Variants in ZNF618 observed in about 807,000 individuals in gnomAD.
ZNF618 encodes the protein zinc finger protein 618.
Under a neutral mutation model 103.0 loss-of-function variants are expected in ZNF618, and 34 were observed. The observed-to-expected ratio is 0.33, with a 90% CI of 0.25 to 0.44. The LOEUF (loss-of-function observed/expected upper bound fraction) is 0.44. ZNF618 is among the 20% of genes least tolerant of loss of function. ZNF618 has a pLI of 1.00. For missense variants in ZNF618, 1,059 were observed against 1,295.4 expected (o/e 0.82, Z 2.80); for synonymous variants, 551 against 542.2 (o/e 1.02, Z -0.23).
intron 1 of ZNF618, among the ~76,000 whole-genome samples, chr9:113,966,774 A>G (rs890742757): frequency 1.3e-5 from 2 of 152,170 alleles, no homozygotes; most frequent in African/African-American, 4.8e-5. Context: ...TGAACATCCC[A>G]CACCCTGCCC....
At position 113,876,352 on chromosome 9, in the gene ZNF618, G is replaced by A; in HGVS notation, c.-29G>A. 1.7e-6 allele frequency: 2 copies of A among 1,184,376 alleles called. No individual in the cohort carries two copies. Among genetic ancestry groups the A allele is most frequent in the South Asian group, 4.2e-5 (1 of 24,054 alleles). The allele number at this position is 1,184,376 out of a possible 1,614,324, so 73.4% of individuals were successfully genotyped here. On this transcript the variant is annotated 5_prime_UTR_variant, in exon 1 of 15. Transcript: ENST00000374126. ...GCCCGGCCCGGGAGGAGCAGGACGC[G>A]CCGGGGCCGCCTCCTCCCGCACGGA...
intron 1 of ZNF618, among the ~76,000 whole-genome samples, chr9:113,930,935 C>T (rs1032353244): frequency 2.0e-5 from 3 of 152,158 alleles, no homozygotes; most frequent in African/African-American, 7.2e-5. Flanking sequence ...CAATAAGCAC[C>T]TGACAATATT....
Position 114,049,889 on chromosome 9 carries a change from G to A in ZNF618, c.2587G>A (p.Ala863Thr), listed in dbSNP as rs761445450. The A allele has an allele frequency of 6.2e-7, 1 of 1,613,914 alleles. No homozygotes were observed. Among genetic ancestry groups the A allele is most frequent in the Non-Finnish European group, 8.5e-7 (1 of 1,179,904 alleles). Residue 863 changes from alanine (A) to threonine (T), a missense_variant, in exon 15 of 15, where the codon GCT becomes ACT. Physicochemically the swap from Ala to Thr is moderately conservative, Grantham distance 58. Around this residue, in one of 6 missense-constraint regions of ZNF618, gnomAD observed 156 missense variants for 197.1 expected, o/e 0.79. Coordinates refer to ENST00000374126, the MANE Select transcript of ZNF618 (RefSeq NM_001318042.2). ...CTCTGCTGCCGTCGAGAACCCCGCA[G>A]CTCAGGAAGATGATCGGCTAGGCAA... The part of the protein sequence containing the change: ...PRSAAVENPA[A>T]QEDDRLGKNE...
chr9:113,972,767 G>A (rs760060212), intron 2 of ZNF618, among the ~76,000 whole-genome samples: 1 of 152,146 alleles, frequency 6.6e-6, no homozygotes, highest in African/African-American at 2.4e-5. Flanking sequence ...TATGTTAAAC[G>A]TCAAGAGAAT....
chr9:113,944,505 C>CT (rs923905857), intron 1 of ZNF618, among the ~76,000 whole-genome samples: 121 of 152,300 alleles, frequency 7.9e-4, no homozygotes, highest in African/African-American at 2.7e-3. Context: ...TCTTGAACTC[C>CT]TGGCCTCTAG....
chr9:113,939,281 TTTG>T (rs1341158361), intron 1 of ZNF618, among the ~76,000 whole-genome samples: 4 of 151,770 alleles, frequency 2.6e-5, no homozygotes, highest in South Asian at 2.1e-4. Context: ...GGTTTTTTTG[TTTG>T]TTGTTTGTTT....
chr9:113,939,789 C>T (rs1834387295), intron 1 of ZNF618, among the ~76,000 whole-genome samples: 1 of 152,000 alleles, frequency 6.6e-6, no homozygotes, highest in Non-Finnish European at 1.5e-5. Flanking sequence ...TCCTTCCCTC[C>T]CTCTGATTCC....
In ZNF618 at chr9:114,049,443, T is replaced by C; in HGVS notation, c.2141T>C (p.Phe714Ser). 1 of 1,607,324 alleles carries C rather than the reference T, an allele frequency of 6.2e-7. No individual in the cohort carries two copies. The highest frequency in any genetic ancestry group is 8.5e-7 in the Non-Finnish European group (1 of 1,176,870). The change falls in exon 15 of 15, where the codon TTC becomes TCC. Residue 714 changes from phenylalanine to serine, a missense_variant. By Grantham distance (155) the Phe-to-Ser change is radical. Around this residue, in one of 6 missense-constraint regions of ZNF618, gnomAD observed 272 missense variants for 380.1 expected, o/e 0.72. Coordinates refer to ENST00000374126, the MANE Select transcript of ZNF618 (RefSeq NM_001318042.2). ...VHERYEQICE[F>S]YSRAKKMNLI... ...GAGCGCTATGAGCAGATCTGCGAGT[T>C]CTACAGCCGGGCCAAGAAGATGAAC...
In ZNF618 at chr9:113,901,151, G is replaced by T. The variant is rs192886432; in HGVS notation, c.33+24738G>T. On this transcript the variant is annotated intron_variant, in intron 1 of 14. Coordinates refer to ENST00000374126, the MANE Select transcript of ZNF618 (RefSeq NM_001318042.2). ...TAGCACCGTCTTCTCCCGCGAACCC[G>T]AGCTCCTGTCTCCTAGCACTGTCCT... 4.7e-4 allele frequency among the ~76,000 whole-genome samples: 71 copies of T among 152,156 alleles called. No individual in the cohort carries two copies. The East Asian group carries it at 0.013, about 27-fold the overall frequency.
At chr9:113,890,389 C>T (rs1829510359) in intron 1 of ZNF618, among the ~76,000 whole-genome samples, 1 of 152,090 alleles carries the variant, frequency 6.6e-6, no homozygotes, top group African/African-American at 2.4e-5. Flanking sequence ...TGTTCTGAGG[C>T]CTGATGTCTT....
chr9:113,967,093 G>T (rs1837479869), intron 1 of ZNF618, among the ~76,000 whole-genome samples: 1 of 152,184 alleles, frequency 6.6e-6, no homozygotes, highest in East Asian at 1.9e-4. Flanking sequence ...GGACAAAAAT[G>T]ACAACTTTAA....
In ZNF618 at chr9:114,049,510, G is replaced by A. The variant is rs370970208; in HGVS notation, c.2208G>A (p.Ala736=). 47 of 1,613,474 alleles carry A rather than the reference G, an allele frequency of 2.9e-5. No homozygotes were observed. The highest frequency in any genetic ancestry group is 1.2e-4 in the African/African-American group (9 of 74,948). ...SLNKHLLSNL[A]AILTPVKQAV... ...ACAAGCACCTGCTCAGCAACCTGGC[G>A]GCCATCCTGACGCCGGTGAAGCAGG... The change falls in exon 15 of 15, where the codon GCG becomes GCA. Residue 736 remains alanine, a synonymous_variant. Transcript: ENST00000374126.
chr9:114,041,020 A>G (rs1845127268), intron 13 of ZNF618, among the ~76,000 whole-genome samples: 1 of 152,190 alleles, frequency 6.6e-6, no homozygotes, highest in South Asian at 2.1e-4. Context: ...AATAATTGCC[A>G]TTCTAACTGG....
chr9:114,029,464 C>T (rs1344327632), intron 11 of ZNF618, among the ~76,000 whole-genome samples: 3 of 152,154 alleles, frequency 2.0e-5, no homozygotes, highest in African/African-American at 7.2e-5. Flanking sequence ...TTTCCACATC[C>T]TCACCACGCC....
At chr9:113,951,521 G>GTGTATATGTA (rs1835721128) in intron 1 of ZNF618, among the ~76,000 whole-genome samples, 2 of 55,512 alleles carry the variant, frequency 3.6e-5, no homozygotes, top group Admixed American at 2.2e-4. Flanking sequence ...GTGTGTATAT[G>GTGTATATGTA]TACACATATG....
chr9:113,958,119 C>T (rs1376699938), intron 1 of ZNF618, among the ~76,000 whole-genome samples: 2 of 152,094 alleles, frequency 1.3e-5, no homozygotes, highest in South Asian at 2.1e-4. Flanking sequence ...CATTTATGCA[C>T]CCAGAGGAGC....
rs7848387 is a variant in ZNF618 at position 114,042,383 on chromosome 9, A to G, written c.1247-5510A>G. Among the ~76,000 whole-genome samples, 757 of 152,326 alleles carry G rather than the reference A, an allele frequency of 5.0e-3. 5 individuals carry two copies. Among genetic ancestry groups the G allele is most frequent in the African/African-American group, 0.018 (730 of 41,574 alleles). On this transcript the variant is annotated intron_variant, in intron 13 of 14. Coordinates refer to ENST00000374126, the MANE Select transcript of ZNF618 (RefSeq NM_001318042.2). ...TTAACTACCATCACAATAAAAATAC[A>G]TAACAGTGGCTGGGCTTGGTGGCTC... is the stretch of plus-strand genomic sequence containing the variant.
chr9:113,904,826 ATC>A (rs373677072), intron 1 of ZNF618, among the ~76,000 whole-genome samples: 16 of 152,274 alleles, frequency 1.1e-4, no homozygotes, highest in African/African-American at 3.8e-4. Flanking sequence ...CACGTTGCCC[ATC>A]TCTCTGGCTC....
chr9:113,956,569 T>C (rs531609803), intron 1 of ZNF618, among the ~76,000 whole-genome samples: 18 of 152,358 alleles, frequency 1.2e-4, no homozygotes, highest in African/African-American at 3.8e-4. Context: ...CTAGGTACTA[T>C]GGAGCCACAG....
Sources: gnomAD v4.1 joint callset for allele counts (sites outside exome capture counted in the v4.1 genomes callset) on GRCh38, gnomAD v4.1.1 for gene constraint, gnomAD v4.1.1 regional missense constraint, MANE v1.5 for transcripts, NCBI Gene and HGNC (gene_info 2026-07-23, HGNC 2026-07-21) for gene names.